RET: variants seen among roughly 807,000 people sequenced by gnomAD.
RET encodes the protein ret proto-oncogene, also known as proto-oncogene tyrosine-protein kinase receptor Ret.
A neutral mutation model predicts 118.3 loss-of-function variants in RET; 19 were observed. That is an observed-to-expected ratio of 0.16 (90% CI 0.11 to 0.24). RET has a LOEUF of 0.24. RET is among the 10% of genes least tolerant of loss of function. The pLI, the probability that RET is intolerant of heterozygous loss-of-function variation, is 1.00. For synonymous variants in RET, 597 were observed against 644.1 expected, an observed-to-expected ratio of 0.93 and a Z score of 1.11; for missense variants, 1,219 against 1,502.1, an observed-to-expected ratio of 0.81 and a Z score of 3.12.
chr10:43,122,025 G>A lies in RET; in HGVS notation c.2801+9G>A, dbSNP rs780912886. ...ACCACGCAAAGTGATGTGTAAGTGT[G>A]GGTGTTGCTCTCTTGGGGTGGAGGT... On this transcript the variant is annotated intron_variant, in intron 16 of 19. Transcript: ENST00000355710. 1.9e-6 allele frequency: 3 copies of A among 1,610,560 alleles called. No homozygotes were observed. In the African/African-American group the frequency reaches 4.0e-5, roughly 22 times the overall value.
In RET at chr10:43,128,588, T is replaced by G; in HGVS notation, c.*319T>G. ...TGACCACCAACATTCTGTGTTCACA[T>G]GTGTGGGTCCAACACTTACTACCTG... On this transcript the variant is annotated 3_prime_UTR_variant, in exon 20 of 20. Coordinates refer to ENST00000355710, the MANE Select transcript of RET (RefSeq NM_020975.6). 2.1e-6 allele frequency: 1 copy of G among 481,206 alleles called. No individual in the cohort carries two copies. The highest frequency in any genetic ancestry group is 3.8e-6 in the Non-Finnish European group (1 of 260,652). The allele number at this position is 481,206 out of a possible 1,614,324, so 29.8% of individuals were successfully genotyped here. A position where few individuals can be genotyped will look rare whatever the true frequency, so the allele number is the denominator to read the frequency against.
intron 13 of RET, 28 bp from the exon 14 acceptor site, chr10:43,119,503 G>A (rs201869413): frequency 2.2e-5 from 34 of 1,572,248 alleles, no homozygotes; most frequent in Admixed American, 8.9e-5. Context: ...TGACCCGCAC[G>A]CCCAGGGCCC....
rs748128929 is a variant in RET, at chr10:43,104,970, G to A, written c.644G>A (p.Arg215His). The A allele has an allele frequency of 3.8e-6, 6 of 1,571,836 alleles. No homozygotes were observed. The highest frequency in any genetic ancestry group is 1.1e-5 in the South Asian group (1 of 87,084). The change falls in exon 4 of 20, where the codon CGC becomes CAC. Residue 215 changes from arginine (R) to histidine (H), a missense_variant. By Grantham distance (29) the Arg-to-His change is conservative. Around this residue, in one of 5 missense-constraint regions of RET, gnomAD observed 850 missense variants for 969.6 expected, o/e 0.88. Coordinates refer to ENST00000355710, the MANE Select transcript of RET (RefSeq NM_020975.6). The part of the protein sequence containing the change: ...RLLEGEGLPF[R>H]CAPDSLEVST... ...TGCGCAGGTGAGGGTCTGCCCTTCC[G>A]CTGCGCCCCGGACAGCCTGGAGGTG...
chr10:43,084,778 A>G (rs1204051320), intron 1 of RET, among the ~76,000 whole-genome samples: 4 of 152,100 alleles, frequency 2.6e-5, no homozygotes, highest in Non-Finnish European at 5.9e-5. Flanking sequence ...TTGAGCACCA[A>G]CATCTGGAAA....
rs370756353 is a variant in RET at position 43,126,714 on chromosome 10, A to G, written c.3179A>G (p.Lys1060Arg). The G allele has an allele frequency of 3.1e-6, 5 of 1,613,830 alleles. No homozygotes were observed. The highest frequency in any genetic ancestry group is 1.7e-5 in the Admixed American group (1 of 59,992). ...CTCCCTTCCACATGGATTGAAAACA[A>G]ACTCTATGGTAGAATTTCCCATGCA... ...RALPSTWIENKLYGMSDPNWP... is the reference protein window; with the variant it reads ...RALPSTWIENRLYGMSDPNWP... Residue 1060 changes from lysine (K) to arginine (R), a missense_variant, in exon 19 of 20, where the codon AAA becomes AGA. Lys to Arg is a conservative substitution (Grantham distance 26, BLOSUM62 2). Transcript: ENST00000355710.
In RET at chr10:43,114,651, C is replaced by T. The variant is rs760088950; in HGVS notation, c.2051C>T (p.Pro684Leu). ...MTFRRPAQAF[P>L]VSYSSSGARR... Reference sequence around the variant, plus strand: ...TTCCGGAGGCCCGCCCAGGCCTTCCCGGTCAGCTACTCCTCTTCCGGTGCC... The same window carrying T: ...TTCCGGAGGCCCGCCCAGGCCTTCCTGGTCAGCTACTCCTCTTCCGGTGCC... The change falls in exon 11 of 20, where the codon CCG becomes CTG. Residue 684 changes from proline to leucine, a missense_variant. Transcript: ENST00000355710. The surrounding 1 kb of genome is among the most constrained non-coding windows in gnomAD (Gnocchi z 4.6). 8 of 1,612,886 alleles carry T rather than the reference C, an allele frequency of 5.0e-6. No individual in the cohort carries two copies. Among genetic ancestry groups the T allele is most frequent in the Admixed American group, 3.3e-5 (2 of 59,996 alleles).
intron 17 of RET, among the ~76,000 whole-genome samples, chr10:43,124,448 G>A (rs1838287251): frequency 6.6e-6 from 1 of 152,138 alleles, no homozygotes; most frequent in African/African-American, 2.4e-5. Context: ...GGACAGACGT[G>A]TGATTGCCAA....
chr10:43,116,785 CG>C, intron 12 of RET, 54 bp downstream of exon 12: 1 of 1,398,560 alleles, frequency 7.2e-7, no homozygotes, highest in Non-Finnish European at 9.9e-7. Context: ...GGGCGGGGGG[CG>C]GGTGAGGCCC....
intron 19 of RET, chr10:43,127,284 C>T (rs778081659): frequency 5.6e-6 from 6 of 1,069,448 alleles, no homozygotes; most frequent in Non-Finnish European, 6.8e-6. Context: ...AGCGAGGTTG[C>T]AGGAGCTGGC....
intron 15 of RET, 150 bp downstream of exon 15, chr10:43,120,353 G>A: frequency 8.5e-7 from 1 of 1,174,400 alleles, no homozygotes. Context: ...TCTGACCCTG[G>A]GTCCCCAAGG....
At chr10:43,092,386 A>G (rs1223290027) in intron 1 of RET, among the ~76,000 whole-genome samples, 1 of 152,248 alleles carries the variant, frequency 6.6e-6, no homozygotes, top group Non-Finnish European at 1.5e-5. Flanking sequence ...GTGCTGTGGA[A>G]GGATGGTTTG....
intron 15 of RET, among the ~76,000 whole-genome samples, chr10:43,120,447 C>G (rs2132968848): frequency 6.6e-6 from 1 of 152,354 alleles, no homozygotes; most frequent in East Asian, 1.9e-4. Flanking sequence ...GCATACTGAC[C>G]CGAGGCCCTT....
In RET at chr10:43,128,093, G is replaced by T. The variant is rs571011726; in HGVS notation, c.3188-19G>T. 7.4e-6 allele frequency: 12 copies of T among 1,614,018 alleles called. No homozygotes were observed. Among genetic ancestry groups the T allele is most frequent in the Admixed American group, 5.0e-5 (3 of 60,028 alleles). ...TTTGGTTCTTCAGTGCAGAACAAATGATCTGTTTTCATTTTTAGGCATGTC... is the reference window on the plus strand; with the variant it reads ...TTTGGTTCTTCAGTGCAGAACAAATTATCTGTTTTCATTTTTAGGCATGTC... On this transcript the variant is annotated intron_variant, in intron 19 of 19. Transcript: ENST00000355710.
rs1838264626 is a variant in RET at position 43,123,584 on chromosome 10, T to C, written c.2802-87T>C. 3.2e-6 allele frequency: 5 copies of C among 1,568,378 alleles called. No homozygotes were observed. The Admixed American group carries it at 6.7e-5, about 21-fold the overall frequency. ...TGAAGCCGACAGGGTCAGCAGGTGC[T>C]TGGTGGTGGGGGTGGATATCTGGGC... is the stretch of plus-strand genomic sequence containing the variant. On this transcript the variant is annotated intron_variant, in intron 16 of 19. Coordinates refer to ENST00000355710, the MANE Select transcript of RET (RefSeq NM_020975.6).
At chr10:43,109,966 G>A (rs910308487) in intron 6 of RET, among the ~76,000 whole-genome samples, 5 of 152,196 alleles carry the variant, frequency 3.3e-5, no homozygotes, top group Non-Finnish European at 7.3e-5. Flanking sequence ...AGAGCAGCCC[G>A]TGGCGCCTCC....
rs761720362 is a variant in RET, at chr10:43,120,156, T to A, written c.2683T>A (p.Leu895Met). The stretch of plus-strand genomic sequence containing the variant: ...GAAGATGAAGATTTCGGATTTCGGC[T>A]TGTCCCGAGATGTTTATGAAGAGGA... ...GRKMKISDFG[L>M]SRDVYEEDSY... The change falls in exon 15 of 20, where the codon TTG (leucine) becomes ATG (methionine). Residue 895 changes from leucine to methionine, a missense_variant. By Grantham distance (15) the Leu-to-Met change is conservative. Coordinates refer to ENST00000355710, the MANE Select transcript of RET (RefSeq NM_020975.6). 4 of 1,613,730 alleles carry A rather than the reference T, an allele frequency of 2.5e-6. No homozygotes were observed. Among genetic ancestry groups the A allele is most frequent in the East Asian group, 4.5e-5 (2 of 44,892 alleles).
At chr10:43,108,494 C>T (rs1311232438) in intron 5 of RET, among the ~76,000 whole-genome samples, 1 of 152,158 alleles carries the variant, frequency 6.6e-6, no homozygotes. Context: ...CAAACTCCAG[C>T]AGGAAGAGGG....
rs1453466732 is a variant in RET, at chr10:43,077,074, C to T, written c.-185C>T. On this transcript the variant is annotated 5_prime_UTR_variant, in exon 1 of 20. Transcript: ENST00000355710. ...GCCGGCGCTTACCTCGCTTCAGTCC[C>T]GCGACCGAAGCAGGGCGCGCAGCAG... 4 of 945,588 alleles carry T rather than the reference C, an allele frequency of 4.2e-6. No individual in the cohort carries two copies. Among genetic ancestry groups the T allele is most frequent in the South Asian group, 3.6e-5 (1 of 28,080 alleles). 58.6% of individuals were successfully genotyped at this position (945,588 alleles called of 1,614,324 possible).
At chr10:43,089,027 C>T (rs1442268226) in intron 1 of RET, among the ~76,000 whole-genome samples, 1 of 152,250 alleles carries the variant, frequency 6.6e-6, no homozygotes, top group Non-Finnish European at 1.5e-5. Context: ...TTAGCCTCCA[C>T]TTGCCTGTCT....
Sources: gnomAD v4.1 joint callset for allele counts (sites outside exome capture counted in the v4.1 genomes callset) on GRCh38, gnomAD v4.1.1 for gene constraint, gnomAD v4.1.1 regional missense constraint, Gnocchi (gnomAD v3.1) non-coding constraint, MANE v1.5 for transcripts, NCBI Gene and HGNC (gene_info 2026-07-23, HGNC 2026-07-21) for gene names.